Variants in LAIR2 observed in about 807,000 individuals in gnomAD.
The protein encoded by LAIR2 is leukocyte associated immunoglobulin like receptor 2, also known as leukocyte-associated immunoglobulin-like receptor 2.
A neutral mutation model predicts 14.8 loss-of-function variants in LAIR2; 14 were observed. The observed-to-expected ratio is 0.95, with a 90% confidence interval of 0.62 to 1.48. The LOEUF (loss-of-function observed/expected upper bound fraction) is 1.48. Among genes scored for constraint, LAIR2 ranks in the 40% most tolerant of loss-of-function variants. The pLI, the probability that LAIR2 is intolerant of heterozygous loss-of-function variation, is 0.00. For synonymous variants in LAIR2, 75 were observed against 74.5 expected, an observed-to-expected ratio of 1.01 and a Z score of -0.03; for missense variants, 172 against 180.9, an observed-to-expected ratio of 0.95 and a Z score of 0.28.
chr19:54,506,422 A>AACATTCACTGGCTG (rs72271855), intron 2 of LAIR2, among the ~76,000 whole-genome samples: 14,420 of 152,076 alleles, frequency 0.095, 1,047 homozygotes, highest in African/African-American at 0.2. Flanking sequence ...TCCTTTGAGG[A>AACATTCACTGGCTG]ATTTTCCCAC....
chr19:54,508,061 G>A lies in LAIR2; in HGVS notation c.241G>A (p.Glu81Lys), dbSNP rs1267797639. Residue 81 changes from glutamate to lysine, a missense_variant, in exon 3 of 5, where the codon GAG becomes AAG. Physicochemically the swap from Glu to Lys is moderately conservative, Grantham distance 56. Coordinates refer to ENST00000301202, the MANE Select transcript of LAIR2 (RefSeq NM_002288.6). ...SYNVFRLGPS[E>K]SEARFHIDSV... is the part of the protein sequence containing the mutation. ...TAATGTGTTTCGACTTGGTCCATCTGAGTCAGAGGCCAGATTCCACATTGA... is the reference window on the plus strand; with the variant it reads ...TAATGTGTTTCGACTTGGTCCATCTAAGTCAGAGGCCAGATTCCACATTGA... 2 of 1,614,212 alleles carry A rather than the reference G, an allele frequency of 1.2e-6. No individual in the cohort carries two copies. Among genetic ancestry groups the A allele is most frequent in the South Asian group, 2.2e-5 (2 of 91,080 alleles).
intron 2 of LAIR2, among the ~76,000 whole-genome samples, chr19:54,504,551 C>T (rs1390379286): frequency 6.6e-6 from 1 of 152,112 alleles, no homozygotes; most frequent in East Asian, 1.9e-4. Context: ...TCCCAAGCCC[C>T]CCATTTCCCG....
At chr19:54,503,141 C>T (rs1314690664) in intron 1 of LAIR2, among the ~76,000 whole-genome samples, 189 bp downstream of exon 1, 2 of 152,124 alleles carry the variant, frequency 1.3e-5, no homozygotes, top group South Asian at 2.1e-4. Flanking sequence ...AACAGGGGCC[C>T]GGGTGTGGGG....
chr19:54,503,383 G>A (rs1311520047), intron 1 of LAIR2, among the ~76,000 whole-genome samples: 5 of 151,840 alleles, frequency 3.3e-5, no homozygotes, highest in Admixed American at 1.3e-4. Context: ...GCTTGAACCC[G>A]GGAGGTGGAG....
intron 2 of LAIR2, among the ~76,000 whole-genome samples, chr19:54,504,074 G>A (rs1342188963): frequency 1.4e-4 from 21 of 150,908 alleles, no homozygotes; most frequent in Non-Finnish European, 1.8e-4. Flanking sequence ...CTCCTGCCTC[G>A]GCCTCCTGAG....
chr19:54,507,223 G>C (rs1408296858), intron 2 of LAIR2, among the ~76,000 whole-genome samples: 1 of 150,090 alleles, frequency 6.7e-6, no homozygotes, highest in African/African-American at 2.4e-5. Context: ...GGTTTTTCAA[G>C]AGCCTTAATA....
rs141215156 is a variant in LAIR2, at chr19:54,503,403, A to G, written c.35-297A>G. On this transcript the variant is annotated intron_variant, in intron 1 of 4. Coordinates refer to ENST00000301202, the MANE Select transcript of LAIR2 (RefSeq NM_002288.6). ...AACCCGGGAGGTGGAGGTTGCAGTG[A>G]GCTAAGATCGCGCCACTGCACTCTA... is the stretch of plus-strand genomic sequence containing the variant. Among the ~76,000 whole-genome samples the G allele has an allele frequency of 3.9e-3, 590 of 151,852 alleles. 8 individuals carry two copies. The highest frequency in any genetic ancestry group is 0.013 in the African/African-American group (532 of 41,400).
rs199699656 is a variant in LAIR2, at chr19:54,502,913, G to C, written c.-6G>C. ...GTGTCTGCTGCAGAGTTCTGGGACC[G>C]GGGCCATGTCTCCACACCTCACTGC... On this transcript the variant is annotated 5_prime_UTR_variant, in exon 1 of 5. Transcript: ENST00000301202. 3.1e-6 allele frequency: 5 copies of C among 1,613,896 alleles called. No homozygotes were observed. Among genetic ancestry groups the C allele is most frequent in the South Asian group, 1.1e-5 (1 of 91,078 alleles).
intron 3 of LAIR2, among the ~76,000 whole-genome samples, chr19:54,508,743 T>C (rs988798478): frequency 3.7e-4 from 57 of 152,270 alleles, no homozygotes; most frequent in Non-Finnish European, 6.3e-4. Flanking sequence ...GGAGTCAAAG[T>C]CCACTGGAGA....
intron 2 of LAIR2, among the ~76,000 whole-genome samples, chr19:54,504,800 G>A (rs1418269428): frequency 1.3e-5 from 2 of 152,052 alleles, no homozygotes; most frequent in Admixed American, 1.3e-4. Flanking sequence ...AGTAGAGATG[G>A]GGTTTCACCA....
At chr19:54,509,957 C>T (rs1457887569) in intron 4 of LAIR2, among the ~76,000 whole-genome samples, 2 of 148,560 alleles carry the variant, frequency 1.3e-5, no homozygotes, top group African/African-American at 2.5e-5. Context: ...GACCTAGACC[C>T]GGTGACTGCC....
At chr19:54,505,878 A>G (rs1671876695) in intron 2 of LAIR2, among the ~76,000 whole-genome samples, 1 of 150,440 alleles carries the variant, frequency 6.6e-6, no homozygotes, top group Non-Finnish European at 1.5e-5. Flanking sequence ...CTGGAGTGCA[A>G]TGGCTCGGTC....
At chr19:54,504,539 T>C (rs1568446932) in intron 2 of LAIR2, among the ~76,000 whole-genome samples, 1 of 152,126 alleles carries the variant, frequency 6.6e-6, no homozygotes, top group Non-Finnish European at 1.5e-5. Flanking sequence ...GATCAGTGTC[T>C]CTCCCAAGCC....
At chr19:54,507,587 C>G (rs887215114) in intron 2 of LAIR2, among the ~76,000 whole-genome samples, 1 of 152,078 alleles carries the variant, frequency 6.6e-6, no homozygotes, top group African/African-American at 2.4e-5. Context: ...TGGCCCTGGG[C>G]TCTGCAGCAG....
At chr19:54,505,178 A>G (rs913079061) in intron 2 of LAIR2, among the ~76,000 whole-genome samples, 8 of 152,002 alleles carry the variant, frequency 5.3e-5, no homozygotes, top group Non-Finnish European at 1.0e-4. Flanking sequence ...CATCACCTCC[A>G]CACACCGATT....
At chr19:54,508,243 G>C in intron 3 of LAIR2, 59 bp downstream of exon 3, 1 of 1,520,476 alleles carries the variant, frequency 6.6e-7, no homozygotes, top group South Asian at 1.2e-5. Flanking sequence ...CTTGTCCCGA[G>C]GTCCCTGGTC....
chr19:54,503,576 G>C (rs1053037793), intron 1 of LAIR2, 124 bp from the exon 2 acceptor site: 58 of 1,127,194 alleles, frequency 5.1e-5, no homozygotes, highest in Non-Finnish European at 7.5e-5. Context: ...GTGATGTCGA[G>C]GAGGGTTGGC....
intron 2 of LAIR2, among the ~76,000 whole-genome samples, chr19:54,506,170 A>C (rs1449020464): frequency 6.6e-6 from 1 of 152,038 alleles, no homozygotes; most frequent in Non-Finnish European, 1.5e-5. Flanking sequence ...GACCGATGAA[A>C]ATTGCATGTA....
intron 2 of LAIR2, among the ~76,000 whole-genome samples, chr19:54,507,154 G>C (rs1489675640): frequency 1.3e-5 from 2 of 151,048 alleles, no homozygotes; most frequent in East Asian, 3.9e-4. Flanking sequence ...CAACCTTCCT[G>C]TTTCAGGGCG....
Sources: allele counts gnomAD v4.1 joint callset (sites outside exome capture counted in the v4.1 genomes callset), GRCh38; gene constraint gnomAD v4.1.1; transcripts MANE v1.5; gene names NCBI Gene and HGNC (gene_info 2026-07-23, HGNC 2026-07-21).